The following TSC22D2 variants were observed in gnomAD, a reference collection of about 807,000 sequenced individuals.
The protein encoded by TSC22D2 is TSC22 domain family member 2, also known as TSC22 domain family protein 2.
In TSC22D2, 5 loss-of-function variants were observed where a neutral mutation model predicts 50.1. The ratio of observed to expected loss-of-function variants is 0.10; its 90% CI spans 0.05 to 0.21. The LOEUF (loss-of-function observed/expected upper bound fraction) is 0.21. TSC22D2 is among the 10% of genes least tolerant of loss of function. TSC22D2 has a pLI of 1.00. For missense variants in TSC22D2, 1,003 were observed against 1,015.5 expected (o/e 0.99, Z 0.17); for synonymous variants, 501 against 450.1 (o/e 1.11, Z -1.43).
chr3:150,410,529 C>G lies in TSC22D2; in HGVS notation c.1179C>G (p.Pro393=), dbSNP rs758910113. The change falls in exon 1 of 3, where the codon CCC becomes CCG. Residue 393 remains proline, a synonymous_variant. Transcript: ENST00000688009. Reference sequence around the variant, plus strand: ...TGGCCGGCCTGCAGCCGCCAAGCCCCGCGCAGCCCTCGTCCACCGGCGCCG... The same window carrying G: ...TGGCCGGCCTGCAGCCGCCAAGCCCGGCGCAGCCCTCGTCCACCGGCGCCG... ...QHVAGLQPPS[P]AQPSSTGAAA... 9 of 1,576,490 alleles carry G rather than the reference C, an allele frequency of 5.7e-6. No individual in the cohort carries two copies. In the South Asian group the frequency reaches 1.0e-4, roughly 18 times the overall value.
intron 1 of TSC22D2, among the ~76,000 whole-genome samples, chr3:150,416,802 T>A (rs1168546662): frequency 6.6e-6 from 1 of 152,152 alleles, no homozygotes; most frequent in Non-Finnish European, 1.5e-5. Context: ...ATGGATTGTT[T>A]CCTGTATGAA....
At chr3:150,432,480 T>C (rs904662803) in intron 1 of TSC22D2, among the ~76,000 whole-genome samples, 5 of 151,950 alleles carry the variant, frequency 3.3e-5, no homozygotes, top group African/African-American at 1.2e-4. Context: ...ACCAAGGCTT[T>C]GAATAGAACA....
At position 150,411,252 on chromosome 3, in the gene TSC22D2, C is replaced by T; in HGVS notation, c.1902C>T (p.Asn634=). 6.2e-7 allele frequency: 1 copy of T among 1,614,180 alleles called. No homozygotes were observed. The highest frequency in any genetic ancestry group is 1.1e-5 in the South Asian group (1 of 91,088). The change falls in exon 1 of 3, where the codon AAC becomes AAT. Residue 634 remains asparagine, a synonymous_variant. Coordinates refer to ENST00000688009, the MANE Select transcript of TSC22D2 (RefSeq NM_001303264.2). The stretch of plus-strand genomic sequence containing the variant: ...ACCCCCTTCAGTTAACACCTATGAA[C>T]AGTCTGGCCACCTCTGTATTCAGCA... ...LANPLQLTPM[N]SLATSVFSIA...
At chr3:150,421,277 A>G (rs1208449971) in intron 1 of TSC22D2, among the ~76,000 whole-genome samples, 1 of 152,126 alleles carries the variant, frequency 6.6e-6, no homozygotes, top group Non-Finnish European at 1.5e-5. Flanking sequence ...CAGACCTTTG[A>G]GGATAGCAAA....
intron 1 of TSC22D2, among the ~76,000 whole-genome samples, chr3:150,444,424 G>GT (rs1559848193): frequency 6.6e-6 from 1 of 152,158 alleles, no homozygotes; most frequent in African/African-American, 2.4e-5. Context: ...GAGATGGACA[G>GT]TTTCTGCTTT....
chr3:150,465,838 T>A lies in TSC22D2; in HGVS notation c.*7202T>A, dbSNP rs1247735708. The stretch of plus-strand genomic sequence containing the variant: ...TCCAGTGTATCCACAATGTATACAC[T>A]CATTATATACCCATTTTATAATGCC... On this transcript the variant is annotated 3_prime_UTR_variant, in exon 3 of 3. Transcript: ENST00000688009. 6.6e-6 allele frequency: 1 copy of A among 152,188 alleles called. No homozygotes were observed. Among genetic ancestry groups the A allele is most frequent in the Non-Finnish European group, 1.5e-5 (1 of 68,016 alleles). The allele number at this position is 152,188 out of a possible 1,614,324, so 9.4% of individuals were successfully genotyped here. A position where few individuals can be genotyped will look rare whatever the true frequency, so the allele number is the denominator to read the frequency against.
At chr3:150,430,414 T>C (rs1720341086) in intron 1 of TSC22D2, among the ~76,000 whole-genome samples, 1 of 152,038 alleles carries the variant, frequency 6.6e-6, no homozygotes, top group African/African-American at 2.4e-5. Context: ...GGGGATGAGA[T>C]AGGAATTACA....
chr3:150,437,776 C>G (rs563293393), intron 1 of TSC22D2, among the ~76,000 whole-genome samples: 148 of 152,112 alleles, frequency 9.7e-4, no homozygotes, highest in African/African-American at 3.5e-3. Flanking sequence ...CCACTGCACT[C>G]CAGCCTGGGC....
At chr3:150,416,336 T>G (rs1402912223) in intron 1 of TSC22D2, among the ~76,000 whole-genome samples, 1 of 151,662 alleles carries the variant, frequency 6.6e-6, no homozygotes, top group Non-Finnish European at 1.5e-5. Context: ...GTCTGTCTGG[T>G]TAAACATAGC....
intron 2 of TSC22D2, 97 bp downstream of exon 2, chr3:150,457,224 C>A: frequency 9.4e-7 from 1 of 1,058,788 alleles, no homozygotes; most frequent in Non-Finnish European, 1.4e-6. Flanking sequence ...GTTATTTAAA[C>A]CAAAGATGAC....
At position 150,464,511 on chromosome 3, in the gene TSC22D2, T is replaced by TG. The variant is rs1721500374; in HGVS notation, c.*5878dup. On this transcript the variant is annotated 3_prime_UTR_variant, in exon 3 of 3. Coordinates refer to ENST00000688009, the MANE Select transcript of TSC22D2 (RefSeq NM_001303264.2). Reference sequence around the variant, plus strand: ...GGATGTTTGGGGATAGAAAGATGAATGGGACATGATTTGTGTGCTCCAATG... The same window carrying TG: ...GGATGTTTGGGGATAGAAAGATGAATGGGGACATGATTTGTGTGCTCCAATG... 1 of 152,192 alleles carries TG rather than the reference T, an allele frequency of 6.6e-6. No homozygotes were observed. The highest frequency in any genetic ancestry group is 2.4e-5 in the African/African-American group (1 of 41,450). The allele number at this position is 152,192 out of a possible 1,614,324, so 9.4% of individuals were successfully genotyped here. A position where few individuals can be genotyped will look rare whatever the true frequency, so the allele number is the denominator to read the frequency against.
chr3:150,410,726 C>G lies in TSC22D2; in HGVS notation c.1376C>G (p.Pro459Arg), dbSNP rs770021846. The G allele has an allele frequency of 2.5e-6, 4 of 1,594,408 alleles. No individual in the cohort carries two copies. The South Asian group carries it at 3.4e-5, about 13-fold the overall frequency. Reference protein sequence around the residue: ...VAPCQPTGVPPATVGGVVQPC... With the variant: ...VAPCQPTGVPRATVGGVVQPC... ...CCTTGTCAGCCGACTGGAGTGCCCC[C>G]GGCTACTGTGGGAGGCGTGGTGCAG... Residue 459 changes from proline to arginine, a missense_variant, in exon 1 of 3, where the codon CCG becomes CGG. Transcript: ENST00000688009.
chr3:150,428,354 A>G (rs1648998850), intron 1 of TSC22D2, among the ~76,000 whole-genome samples: 1 of 152,056 alleles, frequency 6.6e-6, no homozygotes, highest in African/African-American at 2.4e-5. Context: ...GGGGCAGGTA[A>G]TCACTGGTAC....
At position 150,410,449 on chromosome 3, in the gene TSC22D2, G is replaced by A. The variant is rs1427207500; in HGVS notation, c.1099G>A (p.Gly367Arg). Residue 367 changes from glycine (G) to arginine (R), a missense_variant, in exon 1 of 3, where the codon GGA (glycine) becomes AGA (arginine). Coordinates refer to ENST00000688009, the MANE Select transcript of TSC22D2 (RefSeq NM_001303264.2). The part of the protein sequence containing the change: ...FAYPQPQIPP[G>R]HLLPVQPSGQ... ...GTATCCTCAGCCTCAGATACCGCCC[G>A]GACATTTGCTGCCCGTCCAGCCCTC... 6.2e-7 allele frequency: 1 copy of A among 1,609,302 alleles called. No homozygotes were observed. The highest frequency in any genetic ancestry group is 1.1e-5 in the South Asian group (1 of 90,590).
intron 1 of TSC22D2, among the ~76,000 whole-genome samples, chr3:150,411,544 T>G (rs1007053298): frequency 1.3e-5 from 2 of 152,226 alleles, no homozygotes; most frequent in Non-Finnish European, 2.9e-5. Context: ...CAACATTGTT[T>G]ACTCAAAAAA....
intron 1 of TSC22D2, among the ~76,000 whole-genome samples, chr3:150,429,318 A>G (rs1457202510): frequency 6.6e-6 from 1 of 152,152 alleles, no homozygotes; most frequent in African/African-American, 2.4e-5. Context: ...TGATTTCAGC[A>G]GCATCTTAAA....
chr3:150,410,265 G>A lies in TSC22D2; in HGVS notation c.915G>A (p.Met305Ile). The stretch of plus-strand genomic sequence containing the variant: ...GAGCCGCGACCGGGCCGCAGCCAAT[G>A]ATGGCAGCCGCGCAGCCCAGCCAGC... ...FPGAATGPQP[M>I]MAAAQPSQPQ... Residue 305 changes from methionine (M) to isoleucine (I), a missense_variant, in exon 1 of 3, where the codon ATG becomes ATA. Around this residue, in one of 6 missense-constraint regions of TSC22D2, gnomAD observed 696 missense variants for 647.8 expected, o/e 1.07. Coordinates refer to ENST00000688009, the MANE Select transcript of TSC22D2 (RefSeq NM_001303264.2). 2.6e-6 allele frequency: 4 copies of A among 1,556,798 alleles called. No homozygotes were observed. Among genetic ancestry groups the A allele is most frequent in the Non-Finnish European group, 3.5e-6 (4 of 1,151,580 alleles).
At chr3:150,439,878 T>C (rs1720662986) in intron 1 of TSC22D2, among the ~76,000 whole-genome samples, 1 of 152,204 alleles carries the variant, frequency 6.6e-6, no homozygotes, top group Admixed American at 6.5e-5. Context: ...ATTAGACTGA[T>C]GGGACAAATC....
At chr3:150,417,760 A>T (rs1719866638) in intron 1 of TSC22D2, among the ~76,000 whole-genome samples, 1 of 152,134 alleles carries the variant, frequency 6.6e-6, no homozygotes. Flanking sequence ...ACCCCTTTAC[A>T]TGTTATAAAT....
Sources: gnomAD v4.1 joint callset for allele counts (sites outside exome capture counted in the v4.1 genomes callset) on GRCh38, gnomAD v4.1.1 for gene constraint, gnomAD v4.1.1 regional missense constraint, MANE v1.5 for transcripts, NCBI Gene and HGNC (gene_info 2026-07-23, HGNC 2026-07-21) for gene names.